WDR7: variants seen among roughly 807,000 people sequenced by gnomAD.
The protein encoded by WDR7 is WD repeat-containing protein 7.
In WDR7, 46 loss-of-function variants were observed where a neutral mutation model predicts 169.4. The ratio of observed to expected loss-of-function variants is 0.27; its 90% confidence interval spans 0.21 to 0.35. The LOEUF (loss-of-function observed/expected upper bound fraction) is 0.35, where lower values mean the gene tolerates loss of function less well. Ranked by LOEUF, WDR7 falls within the 10% of genes least tolerant of loss-of-function variation. The pLI, the probability that WDR7 is intolerant of heterozygous loss-of-function variation, is 1.00. For missense variants in WDR7, 1,534 were observed against 1,859.3 expected, an observed-to-expected ratio of 0.83 and a Z score of 3.22; for synonymous variants, 612 against 666.8, an observed-to-expected ratio of 0.92 and a Z score of 1.27.
At chr18:56,995,839 G>A (rs1232073869) in intron 26 of WDR7, among the ~76,000 whole-genome samples, 3 of 152,130 alleles carry the variant, frequency 2.0e-5, no homozygotes, top group African/African-American at 4.8e-5. Flanking sequence ...GTGCATGTCC[G>A]TGGGTTCCTT....
chr18:56,759,921 C>T (rs1421852450), intron 16 of WDR7, among the ~76,000 whole-genome samples: 2 of 152,100 alleles, frequency 1.3e-5, no homozygotes, highest in Non-Finnish European at 2.9e-5. Flanking sequence ...AAATGGTGTG[C>T]TTGATTTTCA....
chr18:56,746,555 A>C (rs1012656489), intron 14 of WDR7, among the ~76,000 whole-genome samples: 1 of 152,116 alleles, frequency 6.6e-6, no homozygotes, highest in African/African-American at 2.4e-5. Context: ...ACTCCTACTC[A>C]TCTCATGAGC....
chr18:56,891,592 G>A (rs1476562902), intron 21 of WDR7, among the ~76,000 whole-genome samples: 2 of 152,138 alleles, frequency 1.3e-5, no homozygotes, highest in African/African-American at 2.4e-5. Context: ...GAGGTAGATA[G>A]TATTATCACC....
intron 12 of WDR7, among the ~76,000 whole-genome samples, chr18:56,710,011 T>G (rs1041066443): frequency 2.0e-5 from 3 of 146,370 alleles, no homozygotes; most frequent in South Asian, 4.3e-4. Flanking sequence ...TAGTTGTTTT[T>G]TTTTTTTTTT....
At chr18:56,904,540 A>T (rs1310028737) in intron 21 of WDR7, among the ~76,000 whole-genome samples, 1 of 152,128 alleles carries the variant, frequency 6.6e-6, no homozygotes, top group Non-Finnish European at 1.5e-5. Flanking sequence ...CAAGATACTC[A>T]TGATTTTTTA....
At chr18:56,754,358 TGTGTATATATACAC>T (rs1320567359) in intron 14 of WDR7, among the ~76,000 whole-genome samples, 87 of 151,450 alleles carry the variant, frequency 5.7e-4, no homozygotes, top group Non-Finnish European at 1.1e-3. Context: ...TATATATGTG[TGTGTATATATACAC>T]GTATATATGT....
Position 56,682,751 on chromosome 18 carries a change from G to C in WDR7, c.418G>C (p.Val140Leu). Reference protein sequence around the residue: ...LCHGHYPEILVVDATSLEVLY... With the variant: ...LCHGHYPEILLVDATSLEVLY... Reference sequence around the variant, plus strand: ...CCACGGACATTACCCTGAAATCCTTGTTGTGGATGCTACCAGCCTTGAAGT... The same window carrying C: ...CCACGGACATTACCCTGAAATCCTTCTTGTGGATGCTACCAGCCTTGAAGT... The change falls in exon 5 of 28, where the codon GTT (valine) becomes CTT (leucine). Residue 140 changes from valine (V) to leucine (L), a missense_variant. Transcript: ENST00000254442. 6.2e-7 allele frequency: 1 copy of C among 1,613,850 alleles called. No homozygotes were observed. Among genetic ancestry groups the C allele is most frequent in the South Asian group, 1.1e-5 (1 of 91,064 alleles).
chr18:56,914,879 C>A (rs1317780536), intron 21 of WDR7, among the ~76,000 whole-genome samples: 2 of 152,086 alleles, frequency 1.3e-5, no homozygotes, highest in African/African-American at 4.8e-5. Context: ...GATTAAATTT[C>A]CCTACATGAC....
chr18:57,009,405 G>C (rs1269993333), intron 26 of WDR7, among the ~76,000 whole-genome samples: 2 of 152,112 alleles, frequency 1.3e-5, no homozygotes, highest in Non-Finnish European at 2.9e-5. Context: ...TATTTCAATA[G>C]GTTTTGGGGG....
chr18:56,915,278 G>A (rs1243307433), intron 21 of WDR7, among the ~76,000 whole-genome samples: 1 of 152,146 alleles, frequency 6.6e-6, no homozygotes, highest in Non-Finnish European at 1.5e-5. Flanking sequence ...TAGAATTCTA[G>A]ATGGCACTGT....
chr18:56,698,683 T>C (rs2025759201), intron 12 of WDR7, among the ~76,000 whole-genome samples: 1 of 152,178 alleles, frequency 6.6e-6, no homozygotes, highest in Non-Finnish European at 1.5e-5. Flanking sequence ...AAATAAAATG[T>C]AGTGAATAAA....
At chr18:56,834,245 G>A (rs1269904460) in intron 20 of WDR7, among the ~76,000 whole-genome samples, 1 of 152,154 alleles carries the variant, frequency 6.6e-6, no homozygotes, top group Admixed American at 6.5e-5. Context: ...AATCATGAGA[G>A]TGCTGTACAA....
chr18:56,865,985 G>T (rs1205958052), intron 20 of WDR7, among the ~76,000 whole-genome samples: 1 of 151,982 alleles, frequency 6.6e-6, no homozygotes, highest in Non-Finnish European at 1.5e-5. Flanking sequence ...AACTATACAA[G>T]ATTTGAAGAT....
rs562693735 is a variant in WDR7 at position 56,692,717 on chromosome 18, C to CA, written c.966+910dup. Among the ~76,000 whole-genome samples the CA allele has an allele frequency of 6.3e-4, 92 of 146,596 alleles. 1 individual carries two copies. The highest frequency in any genetic ancestry group is 7.0e-3 in the Middle Eastern group (2 of 284). On this transcript the variant is annotated intron_variant, in intron 9 of 27. Coordinates refer to ENST00000254442, the MANE Select transcript of WDR7 (RefSeq NM_015285.3). ...TATAAAAAATATACATAAGCAAAAC[C>CA]AAAAAAAAAATCATTTTCTTTAAAT...
intron 1 of WDR7, among the ~76,000 whole-genome samples, chr18:56,666,956 A>G (rs1032655532): frequency 2.6e-5 from 4 of 151,658 alleles, no homozygotes; most frequent in Non-Finnish European, 5.9e-5. Flanking sequence ...TATAAAAAAT[A>G]AAAGCAAAAC....
chr18:56,728,892 T>A (rs2026520595), intron 13 of WDR7, among the ~76,000 whole-genome samples: 1 of 152,144 alleles, frequency 6.6e-6, no homozygotes, highest in African/African-American at 2.4e-5. Context: ...TCTCAGCCTC[T>A]GACATATTGC....
chr18:56,876,113 G>C (rs1364873790), intron 20 of WDR7, among the ~76,000 whole-genome samples: 1 of 152,010 alleles, frequency 6.6e-6, no homozygotes, highest in Non-Finnish European at 1.5e-5. Flanking sequence ...TCTTTAGTTT[G>C]CCTTACCTCC....
At chr18:56,667,158 C>G (rs1459029738) in intron 1 of WDR7, among the ~76,000 whole-genome samples, 1 of 152,114 alleles carries the variant, frequency 6.6e-6, no homozygotes, top group Non-Finnish European at 1.5e-5. Flanking sequence ...CTTCCTCTGC[C>G]TCACTATGCT....
chr18:56,796,343 T>C (rs1407107778), intron 19 of WDR7, among the ~76,000 whole-genome samples: 3 of 152,178 alleles, frequency 2.0e-5, no homozygotes, highest in African/African-American at 7.2e-5. Flanking sequence ...ACTCAAGTGA[T>C]TGCATGACTT....
Sources: allele counts gnomAD v4.1 joint callset (sites outside exome capture counted in the v4.1 genomes callset), GRCh38; gene constraint gnomAD v4.1.1; transcripts MANE v1.5; gene names NCBI Gene and HGNC (gene_info 2026-07-23, HGNC 2026-07-21).